The following INTS6L variants were observed in gnomAD, a reference collection of about 807,000 sequenced individuals.
INTS6L encodes integrator complex subunit 6 like.
INTS6L carries 18 observed loss-of-function variants against 64.7 expected under a neutral mutation model. The observed-to-expected ratio is 0.28, with a 90% CI of 0.19 to 0.41. The LOEUF is 0.41. INTS6L is among the 10% of genes least tolerant of loss of function. The pLI, the probability that INTS6L is intolerant of heterozygous loss-of-function variation, is 1.00. For synonymous variants in INTS6L, 227 were observed against 235.9 expected, an observed-to-expected ratio of 0.96 and a Z score of 0.34; for missense variants, 533 against 661.0, an observed-to-expected ratio of 0.81 and a Z score of 2.12.
At chrX:135,546,954 A>G in intron 5 of INTS6L, 69 bp downstream of exon 5, 19 of 1,146,909 alleles carry the variant, frequency 1.7e-5, no homozygotes, top group Non-Finnish European at 2.2e-5. Context: ...ATTAAATGCC[A>G]TATCCAGTCT....
At chrX:135,548,530 G>A (rs1451889544) in intron 6 of INTS6L, among the ~76,000 whole-genome samples, 2 of 111,500 alleles carry the variant, frequency 1.8e-5, no homozygotes, top group Non-Finnish European at 3.8e-5. Flanking sequence ...GTAGGATTTG[G>A]TGTCATGTAA....
At chrX:135,521,618 C>T in intron 2 of INTS6L, among the ~76,000 whole-genome samples, 1 of 109,629 alleles carries the variant, frequency 9.1e-6, no homozygotes, top group Admixed American at 9.5e-5. Context: ...TTTGTATGAG[C>T]CTGCGAGAGG....
chrX:135,541,954 ATACT>A (rs1427595627), intron 2 of INTS6L, among the ~76,000 whole-genome samples: 3 of 111,777 alleles, frequency 2.7e-5, no homozygotes, highest in African/African-American at 9.8e-5. Context: ...GATTCTCTAA[ATACT>A]TCAATAAATC....
chrX:135,522,868 G>A (rs1408106519), intron 2 of INTS6L, among the ~76,000 whole-genome samples: 17 of 112,161 alleles, frequency 1.5e-4, no homozygotes, highest in African/African-American at 5.2e-4. Context: ...TCAAAATGCC[G>A]TAAGCTTTTT....
At chrX:135,527,929 T>C (rs1238723598) in intron 2 of INTS6L, among the ~76,000 whole-genome samples, 1 of 110,681 alleles carries the variant, frequency 9.0e-6, no homozygotes, top group Non-Finnish European at 1.9e-5. Flanking sequence ...TTTGGGAAGA[T>C]AATTATAATT....
At chrX:135,534,750 G>A (rs7878322) in intron 2 of INTS6L, among the ~76,000 whole-genome samples, 2,309 of 101,929 alleles carry the variant, frequency 0.023, 68 homozygotes, top group African/African-American at 0.079. Flanking sequence ...TGGCGTTATC[G>A]TAGCTCACTG....
chrX:135,521,135 G>C lies in INTS6L; in HGVS notation c.111+32G>C, dbSNP rs2085528792. ...GGAGGGGAGGGGAGAGATGGGGAGAGCTCCCGAGGGATTTCAGGGTGTGGA... is the reference window on the plus strand; with the variant it reads ...GGAGGGGAGGGGAGAGATGGGGAGACCTCCCGAGGGATTTCAGGGTGTGGA... On this transcript the variant is annotated intron_variant, in intron 1 of 17. Coordinates refer to ENST00000639893, the MANE Select transcript of INTS6L (RefSeq NM_001351601.3). 5 of 1,186,939 alleles carry C rather than the reference G, an allele frequency of 4.2e-6. No homozygotes were observed. In the Middle Eastern group the frequency reaches 7.0e-4, roughly 167 times the overall value.
chrX:135,534,672 TTTTTC>T (rs1466816483), intron 2 of INTS6L, among the ~76,000 whole-genome samples: 4 of 106,063 alleles, frequency 3.8e-5, no homozygotes, highest in Non-Finnish European at 7.7e-5. Flanking sequence ...AGAGAACTGG[TTTTTC>T]TTTTCTTTTT....
intron 2 of INTS6L, among the ~76,000 whole-genome samples, chrX:135,529,386 C>A (rs2085841261): frequency 8.9e-6 from 1 of 111,900 alleles, no homozygotes; most frequent in Non-Finnish European, 1.9e-5. Flanking sequence ...TGTCTTATAT[C>A]ATGGCAAGTC....
In INTS6L at chrX:135,577,298, ATGTCCC is replaced by A. The variant is rs1445067725; in HGVS notation, c.1993_1998del (p.Ser665_Leu666del). 1 of 1,211,729 alleles carries A rather than the reference ATGTCCC, an allele frequency of 8.3e-7. No homozygotes were observed. Among genetic ancestry groups the A allele is most frequent in the Admixed American group, 2.2e-5 (1 of 46,018 alleles). ...TATGTCATCTAAGAGAAGGCGGAGT[ATGTCCC>A]TGCTGTTGAGGAAACCACAAACACC... On this transcript the variant is annotated inframe_deletion, in exon 15 of 18. Coordinates refer to ENST00000639893, the MANE Select transcript of INTS6L (RefSeq NM_001351601.3).
At chrX:135,557,549 C>G (rs1325491530) in intron 9 of INTS6L, among the ~76,000 whole-genome samples, 1 of 111,523 alleles carries the variant, frequency 9.0e-6, no homozygotes, top group Admixed American at 9.5e-5. Context: ...TCCTCCTGCC[C>G]TGGTAAGATC....
intron 17 of INTS6L, 44 bp from the exon 18 acceptor site, chrX:135,581,484 A>G: frequency 1.0e-6 from 1 of 985,287 alleles, no homozygotes. Context: ...CATCATGAGT[A>G]CTTTAAGTAT....
chrX:135,581,227 C>T, intron 17 of INTS6L, 84 bp downstream of exon 17: 1 of 723,610 alleles, frequency 1.4e-6, no homozygotes, highest in African/African-American at 2.2e-5. Flanking sequence ...GAGGAATAGG[C>T]TCTGCCTTGC....
At chrX:135,574,118 T>C in intron 13 of INTS6L, 56 bp downstream of exon 13, 1 of 1,129,436 alleles carries the variant, frequency 8.9e-7, no homozygotes, top group Admixed American at 2.8e-5. Context: ...AGGCATGACT[T>C]ACAGGAAGGT....
At position 135,545,499 on chromosome X, in the gene INTS6L, G is replaced by A; in HGVS notation, c.266G>A (p.Gly89Asp). The change falls in exon 3 of 18, where the codon GGT becomes GAT. Residue 89 changes from glycine to aspartate, a missense_variant. Physicochemically the swap from Gly to Asp is moderately conservative, Grantham distance 94. Coordinates refer to ENST00000639893, the MANE Select transcript of INTS6L (RefSeq NM_001351601.3). ...CAGGCTTCTGGACTGACTACTCTCG[G>A]TCAGGCTCTAAGATCCTCATTTGAT... Reference protein sequence around the residue: ...NLQASGLTTLGQALRSSFDLL... With the variant: ...NLQASGLTTLDQALRSSFDLL... The A allele has an allele frequency of 1.7e-6, 2 of 1,210,627 alleles. No individual in the cohort carries two copies. Among genetic ancestry groups the A allele is most frequent in the Non-Finnish European group, 2.2e-6 (2 of 894,955 alleles).
intron 2 of INTS6L, among the ~76,000 whole-genome samples, chrX:135,532,422 A>G (rs1172978049): frequency 8.9e-6 from 1 of 112,522 alleles, no homozygotes; most frequent in East Asian, 2.8e-4. Context: ...GGCTATAGCT[A>G]GGTACTTTTA....
rs1465453851 is a variant in INTS6L, at chrX:135,549,659, T to C, written c.760T>C (p.Ser254Pro). Residue 254 changes from serine to proline, a missense_variant, in exon 7 of 18, where the codon TCC becomes CCC. Physicochemically the swap from Ser to Pro is moderately conservative, Grantham distance 74. Transcript: ENST00000639893. ...PIGEDGLMDS[S>P]RPSNSFAAQP... Reference sequence around the variant, plus strand: ...ACTTTTAGATGGACTTATGGATTCATCCAGGCCAAGCAATTCATTTGCTGC... The same window carrying C: ...ACTTTTAGATGGACTTATGGATTCACCCAGGCCAAGCAATTCATTTGCTGC... The C allele has an allele frequency of 8.3e-7, 1 of 1,210,224 alleles. No homozygotes were observed. Among genetic ancestry groups the C allele is most frequent in the Non-Finnish European group, 1.1e-6 (1 of 895,164 alleles).
In INTS6L at chrX:135,572,838, A is replaced by T; in HGVS notation, c.1422A>T (p.Ile474=). 1 of 1,211,467 alleles carries T rather than the reference A, an allele frequency of 8.3e-7. No homozygotes were observed. The highest frequency in any genetic ancestry group is 1.1e-6 in the Non-Finnish European group (1 of 895,215). The change falls in exon 12 of 18, where the codon ATA becomes ATT. Residue 474 remains isoleucine, a synonymous_variant. Coordinates refer to ENST00000639893, the MANE Select transcript of INTS6L (RefSeq NM_001351601.3). ...SQQTKLESER[I]LASVGKKPPQ... Reference sequence around the variant, plus strand: ...AGACCAAACTAGAGTCAGAACGAATACTAGCATCAGTGGGGAAGAAACCTC... The same window carrying T: ...AGACCAAACTAGAGTCAGAACGAATTCTAGCATCAGTGGGGAAGAAACCTC...
intron 15 of INTS6L, 142 bp from the exon 16 acceptor site, chrX:135,579,646 T>G (rs782462261): frequency 1.9e-5 from 16 of 844,784 alleles, no homozygotes; most frequent in Non-Finnish European, 2.1e-5. Flanking sequence ...CTGGCCTCAA[T>G]TTGAGGGGTC....
Sources: allele counts gnomAD v4.1 joint callset (sites outside exome capture counted in the v4.1 genomes callset), GRCh38; gene constraint gnomAD v4.1.1; transcripts MANE v1.5; gene names NCBI Gene and HGNC (gene_info 2026-07-23, HGNC 2026-07-21).